The following FLT1 variants were observed in gnomAD, a reference collection of about 807,000 sequenced individuals.
FLT1 encodes vascular endothelial growth factor receptor 1.
In FLT1, 49 loss-of-function variants were observed where a neutral mutation model predicts 156.3. The observed-to-expected ratio is 0.31, with a 90% CI of 0.25 to 0.40. The LOEUF (loss-of-function observed/expected upper bound fraction) is 0.40, where lower values mean the gene tolerates loss of function less well. FLT1 is among the 10% of genes least tolerant of loss of function. The pLI, the probability that FLT1 is intolerant of heterozygous loss-of-function variation, is 1.00. For missense variants in FLT1, 1,322 were observed against 1,637.2 expected, an observed-to-expected ratio of 0.81 and a Z score of 3.32; for synonymous variants, 594 against 583.8, an observed-to-expected ratio of 1.02 and a Z score of -0.25.
intron 11 of FLT1, among the ~76,000 whole-genome samples, chr13:28,402,755 T>C (rs1875529355): frequency 6.6e-6 from 1 of 152,182 alleles, no homozygotes; most frequent in African/African-American, 2.4e-5. Flanking sequence ...CATTATGTTA[T>C]GTTATGTTAC....
In FLT1 at chr13:28,321,562, C is replaced by T. The variant is rs777898120; in HGVS notation, c.3075G>A (p.Ala1025=). 65 of 1,614,172 alleles carry T rather than the reference C, an allele frequency of 4.0e-5. No homozygotes were observed. The East Asian group carries it at 4.5e-4, about 11-fold the overall frequency. The change falls in exon 23 of 30, where the codon GCG becomes GCA. Residue 1025 remains alanine (A), a synonymous_variant. Coordinates refer to ENST00000282397, the MANE Select transcript of FLT1 (RefSeq NM_002019.4). ...TGTTCTCAGATAAAAGAATGTTTCT[C>T]GCTGCCAGGTCCCGATGAATGCACT... The part of the protein sequence containing the change: ...SRKCIHRDLA[A]RNILLSENNV...
chr13:28,312,205 C>T, intron 25 of FLT1, 107 bp from the exon 26 acceptor site: 1 of 771,286 alleles, frequency 1.3e-6, no homozygotes, highest in Non-Finnish European at 2.3e-6. Flanking sequence ...AAAGCCCAAG[C>T]TTTCTGTACT....
chr13:28,448,305 A>G (rs1458752384), intron 3 of FLT1, among the ~76,000 whole-genome samples: 1 of 152,244 alleles, frequency 6.6e-6, no homozygotes, highest in African/African-American at 2.4e-5. Context: ...AAGCTTGTAC[A>G]CAAATGTTTA....
At chr13:28,314,541 TA>T (rs988254545) in intron 25 of FLT1, among the ~76,000 whole-genome samples, 82 of 152,336 alleles carry the variant, frequency 5.4e-4, no homozygotes, top group African/African-American at 1.7e-3. Flanking sequence ...TATGAGACAT[TA>T]GCTTGCATCC....
chr13:28,403,235 C>A (rs1431747318), intron 11 of FLT1, among the ~76,000 whole-genome samples: 1 of 152,110 alleles, frequency 6.6e-6, no homozygotes, highest in Non-Finnish European at 1.5e-5. Flanking sequence ...GAGGAAGTGT[C>A]GTAGTTTGAC....
intron 3 of FLT1, among the ~76,000 whole-genome samples, chr13:28,453,311 T>C (rs532980044): frequency 3.3e-5 from 5 of 151,840 alleles, no homozygotes; most frequent in Non-Finnish European, 7.4e-5. Context: ...TTAGTAGAGA[T>C]GGGGTTTCAC....
chr13:28,401,271 C>A (rs531791209), intron 11 of FLT1, among the ~76,000 whole-genome samples: 109 of 152,314 alleles, frequency 7.2e-4, no homozygotes, highest in African/African-American at 2.6e-3. Flanking sequence ...TTCTACTCTT[C>A]ATTTTTACTG....
rs1456082046 is a variant in FLT1, at chr13:28,318,657, AATG to A, written c.3286+763_3286+765del. Among the ~76,000 whole-genome samples, 4 of 152,000 alleles carry A rather than the reference AATG, an allele frequency of 2.6e-5. No homozygotes were observed. The South Asian group carries it at 6.2e-4, about 24-fold the overall frequency. On this transcript the variant is annotated intron_variant, in intron 24 of 29. Coordinates refer to ENST00000282397, the MANE Select transcript of FLT1 (RefSeq NM_002019.4). ...AGGTGCCTGTCATCGAAAGCAGGGG[AATG>A]ATTTTCACACATTACAGGAAACCAG...
chr13:28,474,277 G>A (rs1447952140), intron 1 of FLT1, among the ~76,000 whole-genome samples: 3 of 152,074 alleles, frequency 2.0e-5, no homozygotes, highest in Non-Finnish European at 4.4e-5. Context: ...ACAACATGGT[G>A]AAATCCTGTC....
rs142425372 is a variant in FLT1 at position 28,389,898 on chromosome 13, T to C, written c.1867A>G (p.Ile623Val). The change falls in exon 13 of 30, where the codon ATC becomes GTC. Residue 623 changes from isoleucine to valine, a missense_variant. By Grantham distance (29) the Ile-to-Val change is conservative. Transcript: ENST00000282397. ...KEHSITLNLT[I>V]MNVSLQDSGT... Reference sequence around the variant, plus strand: ...GAATCTTGCAGGGAAACATTCATGATGGTAAGATTAAGAGTGATGGAGTGC... The same window carrying C: ...GAATCTTGCAGGGAAACATTCATGACGGTAAGATTAAGAGTGATGGAGTGC... 1,936 of 1,614,024 alleles carry C rather than the reference T, an allele frequency of 1.2e-3. 2 individuals are homozygous for C. The highest frequency in any genetic ancestry group is 1.5e-3 in the Non-Finnish European group (1,777 of 1,180,020).
At chr13:28,465,033 T>C in intron 3 of FLT1, among the ~76,000 whole-genome samples, 1 of 152,200 alleles carries the variant, frequency 6.6e-6, no homozygotes, top group East Asian at 1.9e-4. Context: ...AAGAACACAA[T>C]ATGCTACGTG....
chr13:28,322,174 A>C lies in FLT1; in HGVS notation c.3051+88T>G, dbSNP rs1871487695. On this transcript the variant is annotated intron_variant, in intron 22 of 29. Coordinates refer to ENST00000282397, the MANE Select transcript of FLT1 (RefSeq NM_002019.4). The surrounding 1 kb of genome is among the most constrained non-coding windows in gnomAD (Gnocchi z 4.3). ...TTGTTCTACATTTAAGAACATAGGT[A>C]TCAGCAAATACTAGGAAAAATGAAT... 1 of 857,896 alleles carries C rather than the reference A, an allele frequency of 1.2e-6. No homozygotes were observed. Among genetic ancestry groups the C allele is most frequent in the Non-Finnish European group, 2.0e-6 (1 of 498,316 alleles). The allele number at this position is 857,896 out of a possible 1,614,324, so 53.1% of individuals were successfully genotyped here. A position where few individuals can be genotyped will look rare whatever the true frequency, so the allele number is the denominator to read the frequency against.
chr13:28,399,675 G>A (rs144206570), intron 11 of FLT1, among the ~76,000 whole-genome samples: 5 of 152,242 alleles, frequency 3.3e-5, no homozygotes, highest in East Asian at 1.9e-4. Flanking sequence ...AAATGAATCC[G>A]GGTCACAAGA....
Position 28,441,673 on chromosome 13 carries a change from G to T in FLT1, c.389-3328C>A, listed in dbSNP as rs115368613. On this transcript the variant is annotated intron_variant, in intron 3 of 29. Coordinates refer to ENST00000282397, the MANE Select transcript of FLT1 (RefSeq NM_002019.4). ...AAAATTTTAAGAGCCAGGTGCAGTGGCTCACACCTGTAGTCTCAGCACTTT... is the reference window on the plus strand; with the variant it reads ...AAAATTTTAAGAGCCAGGTGCAGTGTCTCACACCTGTAGTCTCAGCACTTT... Among the ~76,000 whole-genome samples the T allele has an allele frequency of 6.2e-3, 943 of 152,284 alleles. 7 individuals are homozygous for T. The highest frequency in any genetic ancestry group is 0.021 in the African/African-American group (884 of 41,554).
At position 28,308,932 on chromosome 13, in the gene FLT1, T is replaced by C. The variant is rs561054355; in HGVS notation, c.3636-5A>G. On this transcript the variant is annotated splice_region_variant and splice_polypyrimidine_tract_variant and intron_variant, in intron 27 of 29. Transcript: ENST00000282397. ...AACTTGAAAGCATTTACGTATCTAA[T>C]GAAGAAACAGAAAGAATTATCAAGA... 2 of 1,547,682 alleles carry C rather than the reference T, an allele frequency of 1.3e-6. No individual in the cohort carries two copies. Among genetic ancestry groups the C allele is most frequent in the Non-Finnish European group, 1.8e-6 (2 of 1,119,046 alleles).
chr13:28,324,958 AT>A (rs1871615347), intron 20 of FLT1, among the ~76,000 whole-genome samples: 1 of 152,232 alleles, frequency 6.6e-6, no homozygotes, highest in South Asian at 2.1e-4. Context: ...AATATAGTGA[AT>A]TTATTACAAA....
At chr13:28,324,383 C>G (rs1047535127) in intron 20 of FLT1, among the ~76,000 whole-genome samples, 3 of 152,154 alleles carry the variant, frequency 2.0e-5, no homozygotes, top group African/African-American at 7.2e-5. Flanking sequence ...AGAGTGATCC[C>G]TCCACTAGAG....
At chr13:28,475,293 T>G (rs671422) in intron 1 of FLT1, among the ~76,000 whole-genome samples, 12,435 of 152,252 alleles carry the variant, frequency 0.082, 695 homozygotes, top group Admixed American at 0.19. Flanking sequence ...TATTTCTAAT[T>G]TATTTGTTTT....
At chr13:28,391,338 C>T (rs926576537) in intron 12 of FLT1, among the ~76,000 whole-genome samples, 7 of 152,148 alleles carry the variant, frequency 4.6e-5, no homozygotes, top group Non-Finnish European at 8.8e-5. Context: ...GAACTGCTTA[C>T]GACAAACCTG....
Sources: allele counts gnomAD v4.1 joint callset (sites outside exome capture counted in the v4.1 genomes callset), GRCh38; gene constraint gnomAD v4.1.1; non-coding constraint Gnocchi (gnomAD v3.1); transcripts MANE v1.5; gene names NCBI Gene and HGNC (gene_info 2026-07-23, HGNC 2026-07-21).